LGR6: variants seen among roughly 807,000 people sequenced by gnomAD.
The protein encoded by LGR6 is leucine rich repeat containing G protein-coupled receptor 6.
A neutral mutation model predicts 69.4 loss-of-function variants in LGR6; 45 were observed. The ratio of observed to expected loss-of-function variants is 0.65; its 90% confidence interval spans 0.51 to 0.83. The LOEUF (loss-of-function observed/expected upper bound fraction) is 0.83, where lower values mean the gene tolerates loss of function less well. Ranked by LOEUF, LGR6 falls within the 40% of genes least tolerant of loss-of-function variation. The pLI is 0.00. For missense variants in LGR6, 1,108 were observed against 1,246.7 expected (o/e 0.89, Z 1.68); for synonymous variants, 538 against 555.0 (o/e 0.97, Z 0.43).
At chr1:202,295,478 A>T (rs1047663063) in intron 6 of LGR6, among the ~76,000 whole-genome samples, 1 of 152,208 alleles carries the variant, frequency 6.6e-6, no homozygotes, top group African/African-American at 2.4e-5. Context: ...AGATATGAGA[A>T]TGAATCATGT....
chr1:202,240,977 G>A (rs374976577), intron 4 of LGR6, among the ~76,000 whole-genome samples: 1 of 152,134 alleles, frequency 6.6e-6, no homozygotes, highest in African/African-American at 2.4e-5. Context: ...AATAATCACC[G>A]TCTCTGTTAT....
chr1:202,314,324 G>T (rs537533982), intron 16 of LGR6, among the ~76,000 whole-genome samples: 1 of 152,152 alleles, frequency 6.6e-6, no homozygotes, highest in South Asian at 2.1e-4. Context: ...CTCACAAATG[G>T]CTTCTGCTCT....
chr1:202,273,649 G>T (rs1665298620), intron 4 of LGR6, among the ~76,000 whole-genome samples: 1 of 151,864 alleles, frequency 6.6e-6, no homozygotes, highest in African/African-American at 2.4e-5. Context: ...TAGAGACGGG[G>T]TTTCGCTATG....
In LGR6 at chr1:202,297,542, G is replaced by T. The variant is rs759846026; in HGVS notation, c.751G>T (p.Val251Leu). ...TTATAACAAGCTGCAGGAGTTCCCT[G>T]TGGCCATCCGGACCCTGGGCAGACT... is the stretch of plus-strand genomic sequence containing the variant. ...LNYNKLQEFP[V>L]AIRTLGRLQE... The change falls in exon 7 of 18, where the codon GTG becomes TTG. Residue 251 changes from valine (V) to leucine (L), a missense_variant. Coordinates refer to ENST00000367278, the MANE Select transcript of LGR6 (RefSeq NM_001017403.2). The T allele has an allele frequency of 6.2e-7, 1 of 1,614,024 alleles. No homozygotes were observed. The highest frequency in any genetic ancestry group is 1.7e-5 in the Admixed American group (1 of 59,996).
At chr1:202,208,404 G>A (rs373109397) in intron 1 of LGR6, among the ~76,000 whole-genome samples, 1 of 135,240 alleles carries the variant, frequency 7.4e-6, no homozygotes, top group Non-Finnish European at 1.6e-5. Context: ...GGAGAAGGAG[G>A]GGGGAGAGAG....
At chr1:202,286,597 G>C (rs1372634234) in intron 6 of LGR6, among the ~76,000 whole-genome samples, 1 of 152,154 alleles carries the variant, frequency 6.6e-6, no homozygotes, top group Non-Finnish European at 1.5e-5. Context: ...CAGCCCATCA[G>C]ACCACACTGC....
chr1:202,279,899 CTG>C (rs1293313785), intron 5 of LGR6, among the ~76,000 whole-genome samples: 1 of 152,202 alleles, frequency 6.6e-6, no homozygotes, highest in Non-Finnish European at 1.5e-5. Context: ...CCTTAATCTA[CTG>C]TGTCATTTTT....
intron 4 of LGR6, among the ~76,000 whole-genome samples, chr1:202,267,587 G>T (rs1445118234): frequency 6.6e-6 from 1 of 152,084 alleles, no homozygotes; most frequent in Non-Finnish European, 1.5e-5. Context: ...ATTCCTCTGA[G>T]CCTCCTTTTC....
At chr1:202,296,024 C>T (rs1386719835) in intron 6 of LGR6, among the ~76,000 whole-genome samples, 3 of 152,084 alleles carry the variant, frequency 2.0e-5, no homozygotes, top group African/African-American at 7.2e-5. Context: ...CCCTGTCACG[C>T]AGAGGAGCCT....
At chr1:202,309,212 CA>C (rs1653517962) in intron 15 of LGR6, 36 bp downstream of exon 15, 1 of 1,610,838 alleles carries the variant, frequency 6.2e-7, no homozygotes, top group Admixed American at 1.7e-5. Flanking sequence ...CTGGGTAGGC[CA>C]GCTGGAGACC....
chr1:202,285,023 A>G (rs1666293830), intron 6 of LGR6, among the ~76,000 whole-genome samples: 1 of 152,228 alleles, frequency 6.6e-6, no homozygotes, highest in South Asian at 2.1e-4. Context: ...CTCTCTCTCT[A>G]AATCAGGACC....
chr1:202,280,279 C>T (rs1339891122), intron 5 of LGR6, among the ~76,000 whole-genome samples: 3 of 152,170 alleles, frequency 2.0e-5, no homozygotes, highest in Admixed American at 6.5e-5. Context: ...CTCGATTCCT[C>T]TGGCCTCACC....
chr1:202,281,292 G>A (rs182660322), intron 6 of LGR6, among the ~76,000 whole-genome samples: 1 of 152,306 alleles, frequency 6.6e-6, no homozygotes. Context: ...GAGTAATACT[G>A]CAGAGTAATG....
chr1:202,299,859 G>T (rs1029240982), intron 7 of LGR6, among the ~76,000 whole-genome samples: 12 of 152,188 alleles, frequency 7.9e-5, no homozygotes, highest in African/African-American at 2.9e-4. Flanking sequence ...CTCCGCACAG[G>T]TTATGTACTT....
chr1:202,225,331 C>T (rs578186983), intron 1 of LGR6, 92 bp from the exon 2 acceptor site: 12 of 1,146,034 alleles, frequency 1.0e-5, no homozygotes, highest in East Asian at 2.4e-5. Context: ...GTGGGAGCCT[C>T]GGAGGTCCCT....
chr1:202,194,545 A>G, intron 1 of LGR6: 1 of 598,844 alleles, frequency 1.7e-6, no homozygotes, highest in Non-Finnish European at 3.3e-6. Flanking sequence ...ATTCTCTTCT[A>G]GCAGAGCAGT....
At chr1:202,235,005 G>A (rs1391615485) in intron 3 of LGR6, among the ~76,000 whole-genome samples, 2 of 152,150 alleles carry the variant, frequency 1.3e-5, no homozygotes, top group Non-Finnish European at 2.9e-5. Context: ...AGGCCTGGAG[G>A]GTTTTCCTCC....
At chr1:202,214,990 GGTGTGTGTGTGTGT>G (rs3221675) in intron 1 of LGR6, among the ~76,000 whole-genome samples, 4 of 145,524 alleles carry the variant, frequency 2.7e-5, no homozygotes, top group Non-Finnish European at 6.0e-5. Flanking sequence ...GGTGCACCTG[GGTGTGTGTGTGTGT>G]GTGTGTGTGT....
intron 14 of LGR6, 126 bp from the exon 15 acceptor site, chr1:202,308,925 T>G: frequency 8.6e-7 from 1 of 1,168,178 alleles, no homozygotes. Flanking sequence ...CTTCTAAGCT[T>G]CTCTCCTGTC....
Sources: allele counts gnomAD v4.1 joint callset (sites outside exome capture counted in the v4.1 genomes callset), GRCh38; gene constraint gnomAD v4.1.1; transcripts MANE v1.5; gene names NCBI Gene and HGNC (gene_info 2026-07-23, HGNC 2026-07-21).